The following WNT7B variants were observed in gnomAD, a reference collection of about 807,000 sequenced individuals.
WNT7B encodes protein Wnt-7b.
Under a neutral mutation model 38.2 loss-of-function variants are expected in WNT7B, and 19 were observed. That is an observed-to-expected ratio of 0.50 (90% CI 0.35 to 0.73). The LOEUF (loss-of-function observed/expected upper bound fraction) is 0.73, where lower values mean the gene tolerates loss of function less well. Ranked by LOEUF, WNT7B falls within the 30% of genes least tolerant of loss-of-function variation. The pLI is 0.01. For synonymous variants in WNT7B, 243 were observed against 209.3 expected (o/e 1.16, Z -1.39); for missense variants, 423 against 507.9 (o/e 0.83, Z 1.61).
rs1931937200 is a variant in WNT7B, at chr22:45,951,711, C to T, written c.72-1565G>A. 1.3e-5 allele frequency among the ~76,000 whole-genome samples: 2 copies of T among 152,192 alleles called. No individual in the cohort carries two copies. The highest frequency in any genetic ancestry group is 2.9e-5 in the Non-Finnish European group (2 of 68,032). On this transcript the variant is annotated intron_variant, in intron 1 of 3. Coordinates refer to ENST00000339464, the MANE Select transcript of WNT7B (RefSeq NM_058238.3). The surrounding 1 kb of genome is among the most constrained non-coding windows in gnomAD (Gnocchi z 4.8). ...AAGGGTCATCCACGTGGTCACAGGT[C>T]AGTGCTTCATGCGTTTGTAAGGCTG...
intron 1 of WNT7B, among the ~76,000 whole-genome samples, chr22:45,956,490 TG>T (rs1932064775): frequency 6.6e-6 from 1 of 152,188 alleles, no homozygotes; most frequent in African/African-American, 2.4e-5. Flanking sequence ...GTGAAGCTAC[TG>T]GGTATCCGCG....
chr22:45,951,907 G>A lies in WNT7B; in HGVS notation c.72-1761C>T, dbSNP rs567711427. 3.3e-5 allele frequency among the ~76,000 whole-genome samples: 5 copies of A among 152,316 alleles called. No homozygotes were observed. The highest frequency in any genetic ancestry group is 3.3e-4 in the Admixed American group (5 of 15,304). On this transcript the variant is annotated intron_variant, in intron 1 of 3. Coordinates refer to ENST00000339464, the MANE Select transcript of WNT7B (RefSeq NM_058238.3). This position sits in a 1 kb window ranked among gnomAD's most constrained non-coding sequence, Gnocchi z 4.8. ...TGGGGCATGGACCTATGAGTTGCTG[G>A]GTCAGGTGGTCCCTTCGCTTTCTGA...
chr22:45,928,911 C>T (rs1005619816), intron 3 of WNT7B, among the ~76,000 whole-genome samples: 1 of 152,036 alleles, frequency 6.6e-6, no homozygotes, highest in Non-Finnish European at 1.5e-5. Context: ...CTGTGCTATT[C>T]CCTCTGCCTG....
intron 3 of WNT7B, among the ~76,000 whole-genome samples, chr22:45,924,087 C>A (rs575278641): frequency 6.6e-6 from 1 of 152,174 alleles, no homozygotes. Context: ...TTACCCGGAT[C>A]GAAAGGGCCC....
At chr22:45,949,370 C>T (rs1318333858) in intron 2 of WNT7B, among the ~76,000 whole-genome samples, 4 of 149,204 alleles carry the variant, frequency 2.7e-5, no homozygotes, top group African/African-American at 9.9e-5. Context: ...ATTCCCCGTG[C>T]TCCACGTGTC....
chr22:45,942,793 T>A (rs9803013), intron 2 of WNT7B, among the ~76,000 whole-genome samples: 34,159 of 151,964 alleles, frequency 0.22, 4,279 homozygotes, highest in South Asian at 0.41. Flanking sequence ...ATATTACCCG[T>A]CTCCAAGCAG....
rs567863801 is a variant in WNT7B, at chr22:45,922,882, G to A, written c.1024C>T (p.Arg342Cys). ...CFVKCNTCSE[R>C]TEVFTCK ...CACTTGCAGGTGAAGACCTCGGTGC[G>A]CTCGCTGCAGGTGTTGCACTTGACG... is the stretch of plus-strand genomic sequence containing the variant. The change falls in exon 4 of 4, where the codon CGC becomes TGC. Residue 342 changes from arginine (R) to cysteine (C), a missense_variant. Coordinates refer to ENST00000339464, the MANE Select transcript of WNT7B (RefSeq NM_058238.3). 5.6e-6 allele frequency: 9 copies of A among 1,597,938 alleles called. No homozygotes were observed. Among genetic ancestry groups the A allele is most frequent in the Admixed American group, 3.4e-5 (2 of 59,532 alleles).
intron 3 of WNT7B, among the ~76,000 whole-genome samples, chr22:45,930,492 C>T (rs776093083): frequency 6.6e-5 from 10 of 152,234 alleles, no homozygotes; most frequent in Non-Finnish European, 1.3e-4. Flanking sequence ...CTGGGGCCCT[C>T]ATCTCCAGTG....
At chr22:45,941,259 C>T (rs989174611) in intron 2 of WNT7B, among the ~76,000 whole-genome samples, 2 of 152,098 alleles carry the variant, frequency 1.3e-5, no homozygotes, top group African/African-American at 4.8e-5. Context: ...CCTGTAATCC[C>T]GGCACCTTGG....
At chr22:45,927,744 A>G (rs747102421) in intron 3 of WNT7B, among the ~76,000 whole-genome samples, 4 of 144,970 alleles carry the variant, frequency 2.8e-5, no homozygotes, top group Non-Finnish European at 5.9e-5. Context: ...AACAATACAG[A>G]AATTAGCTGG....
intron 2 of WNT7B, chr22:45,935,948 G>C (rs2146718782): frequency 1.0e-6 from 1 of 985,362 alleles, no homozygotes. Flanking sequence ...TTGGGTCTCG[G>C]GGGGCCTAGG....
intron 3 of WNT7B, among the ~76,000 whole-genome samples, chr22:45,929,213 T>C (rs1000717471): frequency 6.6e-6 from 1 of 152,186 alleles, no homozygotes; most frequent in Non-Finnish European, 1.5e-5. Context: ...TCCAGGTAGG[T>C]GAACCACACT....
intron 1 of WNT7B, among the ~76,000 whole-genome samples, chr22:45,952,696 C>A (rs1356232850): frequency 6.6e-6 from 1 of 152,208 alleles, no homozygotes; most frequent in Non-Finnish European, 1.5e-5. Context: ...GCTGGGGGGA[C>A]CCTGATGGGA....
chr22:45,927,447 C>T (rs983577621), intron 3 of WNT7B: 2 of 1,548,230 alleles, frequency 1.3e-6, no homozygotes, highest in Non-Finnish European at 1.7e-6. Flanking sequence ...AGGGGAACGG[C>T]ATAGCAACCC....
At chr22:45,925,543 A>G in intron 3 of WNT7B, 1 of 985,150 alleles carries the variant, frequency 1.0e-6, no homozygotes. Flanking sequence ...GGCGACCCCC[A>G]GAGAGTATAT....
At chr22:45,939,128 G>T (rs188278444) in intron 2 of WNT7B, among the ~76,000 whole-genome samples, 1 of 152,344 alleles carries the variant, frequency 6.6e-6, no homozygotes, top group East Asian at 1.9e-4. Flanking sequence ...AGGATGTGGA[G>T]AAATGGGGAC....
chr22:45,971,621 C>T (rs890887892), intron 1 of WNT7B, among the ~76,000 whole-genome samples: 1 of 152,188 alleles, frequency 6.6e-6, no homozygotes, highest in African/African-American at 2.4e-5. Context: ...CTACCCAGCG[C>T]GGCAGGAAGG....
At position 45,962,968 on chromosome 22, in the gene WNT7B, T is replaced by C. The variant is rs528223216; in HGVS notation, c.72-12822A>G. Among the ~76,000 whole-genome samples, 46 of 152,318 alleles carry C rather than the reference T, an allele frequency of 3.0e-4. No homozygotes were observed. In the East Asian group the frequency reaches 8.1e-3, roughly 27 times the overall value. ...TGCGGCTGGGCCAGCGCCTCGGCCT[T>C]CCTGGCTGCCCTGGACTTGGCTGAG... On this transcript the variant is annotated intron_variant, in intron 1 of 3. Coordinates refer to ENST00000339464, the MANE Select transcript of WNT7B (RefSeq NM_058238.3).
intron 3 of WNT7B, 128 bp downstream of exon 3, chr22:45,930,970 G>A: frequency 7.6e-7 from 1 of 1,315,914 alleles, no homozygotes; most frequent in Non-Finnish European, 1.0e-6. Flanking sequence ...GACCCAGACG[G>A]CCCCACCCCC....
Sources: gnomAD v4.1 joint callset for allele counts (sites outside exome capture counted in the v4.1 genomes callset) on GRCh38, gnomAD v4.1.1 for gene constraint, Gnocchi (gnomAD v3.1) non-coding constraint, MANE v1.5 for transcripts, NCBI Gene and HGNC (gene_info 2026-07-23, HGNC 2026-07-21) for gene names.